Variants in CSNK2A1 observed in about 807,000 individuals in gnomAD.
The protein encoded by CSNK2A1 is casein kinase 2 alpha 1.
CSNK2A1 carries 10 observed loss-of-function variants against 62.9 expected under a neutral mutation model. The observed-to-expected ratio is 0.16, with a 90% confidence interval of 0.10 to 0.27. The LOEUF (loss-of-function observed/expected upper bound fraction) is 0.27, where lower values mean the gene tolerates loss of function less well. Ranked by LOEUF, CSNK2A1 falls within the 10% of genes least tolerant of loss-of-function variation. The pLI, the probability that CSNK2A1 is intolerant of heterozygous loss-of-function variation, is 1.00. For synonymous variants in CSNK2A1, 124 were observed against 167.8 expected (o/e 0.74, Z 2.02); for missense variants, 160 against 492.0 (o/e 0.33, Z 6.38).
At chr20:533,995 C>A (rs2019263148) in intron 1 of CSNK2A1, among the ~76,000 whole-genome samples, 1 of 152,168 alleles carries the variant, frequency 6.6e-6, no homozygotes, top group South Asian at 2.1e-4. Context: ...CTGGCTATTA[C>A]CCTCTGGAAC....
intron 13 of CSNK2A1, 22 bp downstream of exon 13, chr20:486,354 G>A: frequency 6.2e-7 from 1 of 1,612,030 alleles, no homozygotes; most frequent in East Asian, 2.2e-5. Context: ...TTTTTTTAAA[G>A]AAAATTTACC....
chr20:536,544 C>A (rs1351634381), intron 1 of CSNK2A1, among the ~76,000 whole-genome samples: 2 of 152,172 alleles, frequency 1.3e-5, no homozygotes, highest in African/African-American at 4.8e-5. Flanking sequence ...GAGACAAGAA[C>A]TCCCAGACTT....
rs2018414316 is a variant in CSNK2A1, at chr20:499,505, ACAT to A, written c.316-203_316-201del. 1.8e-6 allele frequency: 1 copy of A among 557,070 alleles called. No homozygotes were observed. Among genetic ancestry groups the A allele is most frequent in the Non-Finnish European group, 3.1e-6 (1 of 321,070 alleles). The allele number at this position is 557,070 out of a possible 1,614,324, so 34.5% of individuals were successfully genotyped here. A position where few individuals can be genotyped will look rare whatever the true frequency, so the allele number is the denominator to read the frequency against. ...TTTTGGGATGGATTTCAAACAGAAG[ACAT>A]GGAGCTGAAGTCTCACCAGGCTCTA... On this transcript the variant is annotated intron_variant, in intron 5 of 13. Coordinates refer to ENST00000217244, the MANE Select transcript of CSNK2A1 (RefSeq NM_177559.3). The surrounding 1 kb of genome is among the most constrained non-coding windows in gnomAD (Gnocchi z 4.2).
At chr20:505,047 TAAAA>T in intron 4 of CSNK2A1, 67 bp downstream of exon 4, 1 of 1,375,008 alleles carries the variant, frequency 7.3e-7, no homozygotes, top group South Asian at 1.4e-5. Context: ...AATGCTGTTT[TAAAA>T]AAGTCTTCAA....
chr20:486,688 T>C (rs465570), intron 12 of CSNK2A1: 2 of 501,298 alleles, frequency 4.0e-6, no homozygotes, highest in Non-Finnish European at 7.1e-6. Context: ...TTCAATCAAA[T>C]GGTAGAAAGA....
chr20:497,926 T>G (rs180981244), intron 6 of CSNK2A1, 146 bp from the exon 7 acceptor site: 1 of 631,866 alleles, frequency 1.6e-6, no homozygotes, highest in Non-Finnish European at 2.8e-6. Context: ...TCTCCAACAT[T>G]ACATTAACTT....
At chr20:535,495 C>T (rs1405469665) in intron 1 of CSNK2A1, among the ~76,000 whole-genome samples, 1 of 151,728 alleles carries the variant, frequency 6.6e-6, no homozygotes, top group African/African-American at 2.4e-5. Context: ...GTGGCTCACG[C>T]CTGTAACCCC....
rs891694975 is a variant in CSNK2A1 at position 476,288 on chromosome 20, T to C, written c.*7673A>G. 6.6e-6 allele frequency: 1 copy of C among 152,522 alleles called. No individual in the cohort carries two copies. Among genetic ancestry groups the C allele is most frequent in the East Asian group, 1.9e-4 (1 of 5,202 alleles). The allele number at this position is 152,522 out of a possible 1,614,324, so 9.4% of individuals were successfully genotyped here. On this transcript the variant is annotated 3_prime_UTR_variant, in exon 14 of 14. Coordinates refer to ENST00000217244, the MANE Select transcript of CSNK2A1 (RefSeq NM_177559.3). ...TTCTTTTTTACTTTTAGATGGAGTCTGGCTCTGTCACCCAGGCTGGAGTAC... is the reference window on the plus strand; with the variant it reads ...TTCTTTTTTACTTTTAGATGGAGTCCGGCTCTGTCACCCAGGCTGGAGTAC...
At chr20:492,222 GA>G in intron 9 of CSNK2A1, 31 bp downstream of exon 9, 1 of 1,580,498 alleles carries the variant, frequency 6.3e-7, no homozygotes, top group Non-Finnish European at 8.7e-7. Flanking sequence ...ATAAACACAG[GA>G]TCAAAACTGT....
intron 1 of CSNK2A1, chr20:540,725 G>A (rs1430649379): frequency 6.6e-6 from 1 of 152,108 alleles, no homozygotes; most frequent in African/African-American, 2.4e-5. Flanking sequence ...TTAGGTAATA[G>A]TACCCCACTC....
At chr20:492,628 C>T in intron 8 of CSNK2A1, 1 of 436,064 alleles carries the variant, frequency 2.3e-6, no homozygotes, top group South Asian at 3.1e-5. Flanking sequence ...CCCTACTACC[C>T]AGCCTATAAT....
At chr20:537,360 G>C (rs1013453605) in intron 1 of CSNK2A1, among the ~76,000 whole-genome samples, 1 of 152,052 alleles carries the variant, frequency 6.6e-6, no homozygotes, top group African/African-American at 2.4e-5. Context: ...TGCTACGTAG[G>C]GTTTTTTAAT....
At chr20:541,298 A>G (rs1258474743) in intron 1 of CSNK2A1, among the ~76,000 whole-genome samples, 1 of 152,164 alleles carries the variant, frequency 6.6e-6, no homozygotes, top group African/African-American at 2.4e-5. Context: ...TCCTTTTGCC[A>G]TGTAACACAG....
chr20:487,988 A>G (rs560502938), intron 11 of CSNK2A1: 14 of 240,088 alleles, frequency 5.8e-5, no homozygotes, highest in East Asian at 4.8e-4. Flanking sequence ...GGTTAAGTGT[A>G]TAAGTACTAT....
At position 497,734 on chromosome 20, in the gene CSNK2A1, T is replaced by A. The variant is rs970324180; in HGVS notation, c.413A>T (p.Tyr138Phe). 5.6e-6 allele frequency: 9 copies of A among 1,611,156 alleles called. No individual in the cohort carries two copies. Among genetic ancestry groups the A allele is most frequent in the Non-Finnish European group, 7.6e-6 (9 of 1,177,994 alleles). Residue 138 changes from tyrosine (Y) to phenylalanine (F), a missense_variant, in exon 7 of 14, where the codon TAT becomes TTT. Tyr to Phe is a conservative substitution (Grantham distance 22, BLOSUM62 3). Transcript: ENST00000217244. Reference sequence around the variant, plus strand: ...AGGTTCACTTACCTTCAGAATCTCATACATGTAAAATCGAATATCATAGTC... The same window carrying A: ...AGGTTCACTTACCTTCAGAATCTCAAACATGTAAAATCGAATATCATAGTC... ...LTDYDIRFYM[Y>F]EILKALDYCH...
chr20:495,828 A>C (rs555441782), intron 7 of CSNK2A1, 26 bp from the exon 8 acceptor site: 1 of 1,596,804 alleles, frequency 6.3e-7, no homozygotes, highest in East Asian at 2.2e-5. Context: ...GTCAGAAAGG[A>C]GTTAGCCTGA....
At chr20:497,694 A>G in intron 7 of CSNK2A1, 27 bp downstream of exon 7, 1 of 1,569,180 alleles carries the variant, frequency 6.4e-7, no homozygotes, top group Non-Finnish European at 8.7e-7. Flanking sequence ...CAATTTAAAA[A>G]ATATTTAGTA....
intron 1 of CSNK2A1, among the ~76,000 whole-genome samples, chr20:532,325 G>A (rs762860884): frequency 5.0e-5 from 7 of 141,174 alleles, no homozygotes; most frequent in South Asian, 2.4e-4. Flanking sequence ...CACCATGCCC[G>A]GCTAATTTTT....
chr20:508,605 A>G lies in CSNK2A1; in HGVS notation c.-54T>C. The G allele has an allele frequency of 1.9e-6, 3 of 1,562,932 alleles. No homozygotes were observed. The highest frequency in any genetic ancestry group is 2.6e-6 in the Non-Finnish European group (3 of 1,138,372). Reference sequence around the variant, plus strand: ...CTTGATGTTTGGAGATCTGGCAGTCACTGTGTTCAGAAGCAGCTGGGGGTA... The same window carrying G: ...CTTGATGTTTGGAGATCTGGCAGTCGCTGTGTTCAGAAGCAGCTGGGGGTA... On this transcript the variant is annotated 5_prime_UTR_variant, in exon 3 of 14. Coordinates refer to ENST00000217244, the MANE Select transcript of CSNK2A1 (RefSeq NM_177559.3).
Sources: gnomAD v4.1 joint callset for allele counts (sites outside exome capture counted in the v4.1 genomes callset) on GRCh38, gnomAD v4.1.1 for gene constraint, Gnocchi (gnomAD v3.1) non-coding constraint, MANE v1.5 for transcripts, NCBI Gene and HGNC (gene_info 2026-07-23, HGNC 2026-07-21) for gene names.